GRM8: variants seen among roughly 807,000 people sequenced by gnomAD.
GRM8 encodes metabotropic glutamate receptor 8.
Under a neutral mutation model 87.2 loss-of-function variants are expected in GRM8, and 47 were observed. The ratio of observed to expected loss-of-function variants is 0.54; its 90% CI spans 0.43 to 0.69. The LOEUF (loss-of-function observed/expected upper bound fraction) is 0.69. GRM8 is among the 30% of genes least tolerant of loss of function. The pLI, the probability that GRM8 is intolerant of heterozygous loss-of-function variation, is 0.00. For synonymous variants in GRM8, 396 were observed against 404.5 expected (o/e 0.98, Z 0.25); for missense variants, 1,019 against 1,139.2 (o/e 0.89, Z 1.52).
chr7:126,599,198 T>G (rs1260262718), intron 8 of GRM8, among the ~76,000 whole-genome samples: 2 of 152,086 alleles, frequency 1.3e-5, no homozygotes, highest in Non-Finnish European at 2.9e-5. Flanking sequence ...CCCCACAGAA[T>G]TTTATCTGGG....
chr7:127,189,304 G>A (rs1794897969), intron 2 of GRM8, among the ~76,000 whole-genome samples: 1 of 152,172 alleles, frequency 6.6e-6, no homozygotes. Context: ...TGAATACAAT[G>A]AGTCATCTCC....
At chr7:126,773,129 A>G (rs1819036123) in intron 6 of GRM8, among the ~76,000 whole-genome samples, 1 of 152,084 alleles carries the variant, frequency 6.6e-6, no homozygotes, top group African/African-American at 2.4e-5. Flanking sequence ...GCAGAGGGAA[A>G]TCTAACGTTC....
chr7:126,477,170 A>C (rs1027247564), intron 9 of GRM8, among the ~76,000 whole-genome samples: 1 of 152,134 alleles, frequency 6.6e-6, no homozygotes, highest in Admixed American at 6.6e-5. Context: ...TATCCCACTT[A>C]TATGTGGAAT....
chr7:126,440,911 A>G (rs1801398227), intron 10 of GRM8, among the ~76,000 whole-genome samples: 1 of 152,128 alleles, frequency 6.6e-6, no homozygotes, highest in Non-Finnish European at 1.5e-5. Flanking sequence ...CCTCATTTAT[A>G]GTATATAAAT....
chr7:126,769,680 T>C (rs1818611262), intron 7 of GRM8, among the ~76,000 whole-genome samples, 185 bp downstream of exon 7: 1 of 152,074 alleles, frequency 6.6e-6, no homozygotes. Context: ...ACGCATAGAT[T>C]AATGGTAGCA....
intron 3 of GRM8, among the ~76,000 whole-genome samples, chr7:127,081,339 C>T (rs1353506668): frequency 6.6e-6 from 1 of 152,200 alleles, no homozygotes; most frequent in Non-Finnish European, 1.5e-5. Context: ...TTTTACCTGA[C>T]TAACACCTTC....
chr7:126,587,508 T>G lies in GRM8; in HGVS notation c.1494+21854A>C, dbSNP rs534673262. ...AATACTATGCAGCCATAAAAAAGGA[T>G]GAGTTCATGTTCTTTGTAGGGACAG... On this transcript the variant is annotated intron_variant, in intron 8 of 10. Coordinates refer to ENST00000339582, the MANE Select transcript of GRM8 (RefSeq NM_000845.3). Among the ~76,000 whole-genome samples the G allele has an allele frequency of 3.3e-5, 5 of 152,266 alleles. No individual in the cohort carries two copies. The South Asian group carries it at 1.0e-3, about 32-fold the overall frequency.
chr7:126,638,222 T>A (rs902916941), intron 7 of GRM8, among the ~76,000 whole-genome samples: 14 of 152,196 alleles, frequency 9.2e-5, no homozygotes, highest in African/African-American at 3.4e-4. Context: ...TGATTAATTT[T>A]AATAACACTT....
At chr7:127,240,886 G>A (rs1380023606) in intron 2 of GRM8, among the ~76,000 whole-genome samples, 2 of 152,010 alleles carry the variant, frequency 1.3e-5, no homozygotes, top group African/African-American at 4.8e-5. Context: ...TCTAAGCAAG[G>A]AGTCCCTCTT....
chr7:127,067,783 TCTTTA>T (rs1221924169), intron 3 of GRM8, among the ~76,000 whole-genome samples: 1 of 152,214 alleles, frequency 6.6e-6, no homozygotes, highest in Non-Finnish European at 1.5e-5. Context: ...TCAGGTTCCA[TCTTTA>T]CTTGTTAGAT....
chr7:126,682,547 T>C (rs1447223102), intron 7 of GRM8, among the ~76,000 whole-genome samples: 2 of 152,214 alleles, frequency 1.3e-5, no homozygotes, highest in African/African-American at 2.4e-5. Flanking sequence ...TACACTCTTA[T>C]TCACTAAGAC....
chr7:127,218,253 C>T (rs1263996659), intron 2 of GRM8, among the ~76,000 whole-genome samples: 1 of 152,206 alleles, frequency 6.6e-6, no homozygotes, highest in Non-Finnish European at 1.5e-5. Context: ...CTTTCTTGCC[C>T]CAACAGTGTT....
At chr7:127,071,586 G>C (rs1821693439) in intron 3 of GRM8, among the ~76,000 whole-genome samples, 1 of 152,152 alleles carries the variant, frequency 6.6e-6, no homozygotes, top group African/African-American at 2.4e-5. Flanking sequence ...GGTCGGACTG[G>C]ATCAAAAGCT....
At chr7:127,166,460 T>C (rs937096037) in intron 2 of GRM8, among the ~76,000 whole-genome samples, 1 of 152,126 alleles carries the variant, frequency 6.6e-6, no homozygotes, top group Non-Finnish European at 1.5e-5. Context: ...GAAGTTGTGA[T>C]AAATGAAGGC....
intron 9 of GRM8, among the ~76,000 whole-genome samples, chr7:126,501,508 T>C (rs1809639307): frequency 6.6e-6 from 1 of 151,660 alleles, no homozygotes; most frequent in Non-Finnish European, 1.5e-5. Context: ...TGGCAGTCAG[T>C]GAAGAAGAAA....
chr7:126,482,872 A>C (rs1806864697), intron 9 of GRM8, among the ~76,000 whole-genome samples: 1 of 151,876 alleles, frequency 6.6e-6, no homozygotes, highest in Admixed American at 6.6e-5. Context: ...CCATGGGCAA[A>C]TATCTGTGAG....
chr7:126,815,012 A>T (rs1192296006), intron 6 of GRM8, among the ~76,000 whole-genome samples: 1 of 152,032 alleles, frequency 6.6e-6, no homozygotes, highest in African/African-American at 2.4e-5. Flanking sequence ...TGTTTATCAG[A>T]CTCTATATAA....
chr7:127,204,771 G>T (rs1481136848), intron 2 of GRM8, among the ~76,000 whole-genome samples: 1 of 151,990 alleles, frequency 6.6e-6, no homozygotes, highest in Non-Finnish European at 1.5e-5. Flanking sequence ...GCTCACATTA[G>T]AAAGCTATTA....
chr7:126,753,338 A>G (rs1211620263), intron 7 of GRM8, among the ~76,000 whole-genome samples: 2 of 151,862 alleles, frequency 1.3e-5, no homozygotes, highest in Non-Finnish European at 2.9e-5. Flanking sequence ...TTGCTCTACT[A>G]CACAGGACAA....
Sources: allele counts gnomAD v4.1 joint callset (sites outside exome capture counted in the v4.1 genomes callset), GRCh38; gene constraint gnomAD v4.1.1; transcripts MANE v1.5; gene names NCBI Gene and HGNC (gene_info 2026-07-23, HGNC 2026-07-21).